The following ACER1 variants were observed in gnomAD, a reference collection of about 807,000 sequenced individuals.
ACER1 encodes the protein alkaline ceramidase 1.
ACER1 carries 28 observed loss-of-function variants against 24.9 expected under a neutral mutation model. The observed-to-expected ratio is 1.13, with a 90% CI of 0.83 to 1.54. The LOEUF (loss-of-function observed/expected upper bound fraction) is 1.54. Ranked by LOEUF, ACER1 falls within the 40% of genes most tolerant of loss-of-function variation. ACER1 has a pLI of 0.00. For synonymous variants in ACER1, 132 were observed against 131.4 expected (o/e 1.00, Z -0.03); for missense variants, 352 against 349.3 (o/e 1.01, Z -0.06).
chr19:6,350,599 G>A, the ACER1 span, among the ~76,000 whole-genome samples: 16 of 136,236 alleles, frequency 1.2e-4, no homozygotes, highest in South Asian at 2.8e-4. Flanking sequence ...GAAAAGAAAG[G>A]AAGGAAGGAG....
At chr19:6,324,289 C>CT (rs1397957927) in intron 1 of ACER1, among the ~76,000 whole-genome samples, 1 of 151,706 alleles carries the variant, frequency 6.6e-6, no homozygotes, top group Non-Finnish European at 1.5e-5. Context: ...AGTGATCTCC[C>CT]TGCCTTGGCC....
At chr19:6,347,109 A>ATATATATATATATATAT in the ACER1 span, among the ~76,000 whole-genome samples, 2 of 113,822 alleles carry the variant, frequency 1.8e-5, no homozygotes, top group African/African-American at 1.0e-4. Context: ...AAAAAAAAAA[A>ATATATATATATATATAT]ATATATATAT....
In ACER1 at chr19:6,307,239, C is replaced by G. The variant is rs1236770473; in HGVS notation, c.540G>C (p.Trp180Cys). 6.2e-7 allele frequency: 1 copy of G among 1,614,064 alleles called. No homozygotes were observed. The highest frequency in any genetic ancestry group is 8.5e-7 in the Non-Finnish European group (1 of 1,180,022). The change falls in exon 5 of 6, where the codon TGG (tryptophan) becomes TGC (cysteine). Residue 180 changes from tryptophan (W) to cysteine (C), a missense_variant. Transcript: ENST00000301452. ...RHLIEVSVVL[W>C]AVALTSWISD... is the part of the protein sequence containing the mutation. Reference sequence around the variant, plus strand: ...TGATCCAGCTGGTCAGAGCAACAGCCCATAAAACCACGGAGACCTCAATCA... The same window carrying G: ...TGATCCAGCTGGTCAGAGCAACAGCGCATAAAACCACGGAGACCTCAATCA...
intron 4 of ACER1, among the ~76,000 whole-genome samples, chr19:6,307,525 G>A (rs1282273100): frequency 2.0e-5 from 3 of 151,832 alleles, no homozygotes; most frequent in Middle Eastern, 3.2e-3. Context: ...GCTCATGCCT[G>A]TAATCCCAGC....
chr19:6,319,503 A>G (rs79095613), intron 1 of ACER1, among the ~76,000 whole-genome samples: 9,942 of 152,068 alleles, frequency 0.065, 368 homozygotes, highest in East Asian at 0.12. Flanking sequence ...CCCTTCCTTC[A>G]TTCATTCGTT....
chr19:6,356,076 T>C, the ACER1 span, among the ~76,000 whole-genome samples: 1 of 151,442 alleles, frequency 6.6e-6, no homozygotes, highest in Non-Finnish European at 1.5e-5. Context: ...GGTTGCCATG[T>C]CTGTGTAGAA....
the ACER1 span, among the ~76,000 whole-genome samples, chr19:6,351,881 C>A: frequency 6.6e-6 from 1 of 151,818 alleles, no homozygotes; most frequent in Non-Finnish European, 1.5e-5. Context: ...ACGGTGAAAC[C>A]CCATCTGTAC....
chr19:6,339,201 T>C, the ACER1 span, among the ~76,000 whole-genome samples: 2 of 151,944 alleles, frequency 1.3e-5, no homozygotes, highest in Non-Finnish European at 2.9e-5. Context: ...TATAAAGGGA[T>C]TGATTTAGAT....
At chr19:6,337,250 G>A (rs2091717844), upstream of ACER1, among the ~76,000 whole-genome samples, 1 of 151,800 alleles carries the variant, frequency 6.6e-6, no homozygotes, top group Admixed American at 6.6e-5. Flanking sequence ...GAGAAGAGAG[G>A]CTCAGTCAGT....
chr19:6,348,316 T>G, the ACER1 span, among the ~76,000 whole-genome samples: 2 of 151,110 alleles, frequency 1.3e-5, no homozygotes, highest in African/African-American at 4.9e-5. Context: ...AATACAAAAA[T>G]TAGCTGGGTG....
In ACER1 at chr19:6,317,276, A is replaced by C. The variant is rs182789172; in HGVS notation, c.94-4777T>G. ...GGCGTGAGCCACTGCACCCAGCCCCAGTTATTCCTTTATAGCAACACAAAC... is the reference window on the plus strand; with the variant it reads ...GGCGTGAGCCACTGCACCCAGCCCCCGTTATTCCTTTATAGCAACACAAAC... On this transcript the variant is annotated intron_variant, in intron 1 of 5. Transcript: ENST00000301452. 2.8e-3 allele frequency among the ~76,000 whole-genome samples: 419 copies of C among 152,250 alleles called. 3 individuals are homozygous for C. Among genetic ancestry groups the C allele is most frequent in the African/African-American group, 9.4e-3 (390 of 41,552 alleles).
chr19:6,316,184 AGC>A (rs1285256725), intron 1 of ACER1, among the ~76,000 whole-genome samples: 1 of 152,208 alleles, frequency 6.6e-6, no homozygotes, highest in African/African-American at 2.4e-5. Flanking sequence ...CTGTGATTCC[AGC>A]AATTTGGGAG....
chr19:6,308,226 G>A (rs1415874624), intron 4 of ACER1, among the ~76,000 whole-genome samples: 1 of 152,086 alleles, frequency 6.6e-6, no homozygotes, highest in African/African-American at 2.4e-5. Context: ...TCTGAGGTTA[G>A]GAGTTCGAGA....
chr19:6,359,065 C>T, the ACER1 span, among the ~76,000 whole-genome samples: 5 of 151,860 alleles, frequency 3.3e-5, no homozygotes, highest in African/African-American at 1.2e-4. Context: ...GACCCTGTCT[C>T]TACAAAAAAT....
At chr19:6,328,869 TTCA>T (rs2091674406) in intron 1 of ACER1, among the ~76,000 whole-genome samples, 1 of 151,860 alleles carries the variant, frequency 6.6e-6, no homozygotes, top group Non-Finnish European at 1.5e-5. Context: ...GAGATGGGGT[TTCA>T]TCGTGTTTTC....
the ACER1 span, among the ~76,000 whole-genome samples, chr19:6,347,284 A>C: frequency 6.9e-6 from 1 of 145,466 alleles, no homozygotes; most frequent in South Asian, 2.2e-4. Flanking sequence ...ACAGTGGTGC[A>C]ATCATAGCTC....
chr19:6,355,632 GC>G, the ACER1 span, among the ~76,000 whole-genome samples: 1 of 133,858 alleles, frequency 7.5e-6, no homozygotes, highest in African/African-American at 3.2e-5. Context: ...GGGGGGGTCA[GC>G]CCCCCGCCCG....
the ACER1 span, among the ~76,000 whole-genome samples, chr19:6,342,255 GTTCTT>G: frequency 7.9e-5 from 9 of 114,100 alleles, no homozygotes; most frequent in African/African-American, 3.0e-4. Context: ...GAGTATCCTA[GTTCTT>G]TTTTTTTTTT....
At chr19:6,308,878 A>C (rs1388898866) in intron 4 of ACER1, among the ~76,000 whole-genome samples, 1 of 152,028 alleles carries the variant, frequency 6.6e-6, no homozygotes, top group Admixed American at 6.6e-5. Flanking sequence ...CTCTGCTTGC[A>C]TGTCTGTTTC....
Sources: allele counts gnomAD v4.1 joint callset (sites outside exome capture counted in the v4.1 genomes callset), GRCh38; gene constraint gnomAD v4.1.1; transcripts MANE v1.5; gene names NCBI Gene and HGNC (gene_info 2026-07-23, HGNC 2026-07-21).